CNTN4: variants seen among roughly 807,000 people sequenced by gnomAD.
CNTN4 encodes contactin-4.
Under a neutral mutation model 122.5 loss-of-function variants are expected in CNTN4, and 77 were observed. That is an observed-to-expected ratio of 0.63 (90% confidence interval 0.52 to 0.76). The LOEUF (loss-of-function observed/expected upper bound fraction) is 0.76. CNTN4 is among the 30% of genes least tolerant of loss of function. The pLI is 0.00. For missense variants in CNTN4, 1,256 were observed against 1,259.1 expected (o/e 1.00, Z 0.04); for synonymous variants, 512 against 447.0 (o/e 1.15, Z -1.83).
intron 7 of CNTN4, among the ~76,000 whole-genome samples, chr3:2,858,267 G>C (rs1397311879): frequency 1.3e-5 from 2 of 152,206 alleles, no homozygotes; most frequent in East Asian, 3.8e-4. Flanking sequence ...TCCAGAATAA[G>C]AAATTCCAAG....
chr3:2,925,874 G>T (rs993720675), intron 13 of CNTN4, 95 bp downstream of exon 13: 3 of 1,067,828 alleles, frequency 2.8e-6, no homozygotes, highest in Non-Finnish European at 4.3e-6. Context: ...GTGACTATCT[G>T]CTGTTCCTGA....
intron 13 of CNTN4, among the ~76,000 whole-genome samples, chr3:2,937,274 G>A (rs1056235753): frequency 2.0e-5 from 3 of 152,136 alleles, no homozygotes; most frequent in African/African-American, 7.2e-5. Context: ...TTGCTCTCTA[G>A]AGCAGTACCT....
At chr3:2,726,238 C>G (rs1461247013) in intron 4 of CNTN4, among the ~76,000 whole-genome samples, 1 of 152,174 alleles carries the variant, frequency 6.6e-6, no homozygotes, top group African/African-American at 2.4e-5. Flanking sequence ...TATGAAAAGT[C>G]CTGCAATGGA....
At chr3:2,173,207 G>C (rs1205097452) in intron 2 of CNTN4, among the ~76,000 whole-genome samples, 3 of 152,156 alleles carry the variant, frequency 2.0e-5, no homozygotes, top group Non-Finnish European at 4.4e-5. Context: ...CTCCTAACGA[G>C]GACACAGTGA....
At chr3:2,976,915 C>A (rs1028703802) in intron 13 of CNTN4, among the ~76,000 whole-genome samples, 4 of 150,776 alleles carry the variant, frequency 2.7e-5, no homozygotes, top group Non-Finnish European at 4.4e-5. Context: ...TATTTGCTAT[C>A]AGGTAGGTCT....
intron 7 of CNTN4, among the ~76,000 whole-genome samples, chr3:2,821,642 G>T (rs2092876995): frequency 6.6e-6 from 1 of 152,172 alleles, no homozygotes; most frequent in South Asian, 2.1e-4. Flanking sequence ...TAGGCAACTT[G>T]CAGTGTCGGC....
At chr3:2,590,177 G>C (rs2080399630) in intron 4 of CNTN4, among the ~76,000 whole-genome samples, 1 of 152,102 alleles carries the variant, frequency 6.6e-6, no homozygotes, top group East Asian at 1.9e-4. Flanking sequence ...TTCCACTCTT[G>C]TGCATTTCTA....
intron 13 of CNTN4, among the ~76,000 whole-genome samples, chr3:2,983,082 C>A (rs922350758): frequency 1.3e-5 from 2 of 151,082 alleles, no homozygotes; most frequent in African/African-American, 4.9e-5. Flanking sequence ...GGCATGGTGG[C>A]GGGTGCCTGT....
intron 3 of CNTN4, among the ~76,000 whole-genome samples, chr3:2,549,628 G>A (rs1054523078): frequency 4.6e-5 from 7 of 152,058 alleles, no homozygotes; most frequent in East Asian, 1.9e-4. Flanking sequence ...TTTTCACATC[G>A]GTGTTCAGCA....
intron 4 of CNTN4, among the ~76,000 whole-genome samples, chr3:2,719,090 A>G (rs2087677586): frequency 6.6e-6 from 1 of 152,206 alleles, no homozygotes; most frequent in African/African-American, 2.4e-5. Context: ...ACTAACCATC[A>G]GCTTGTCAGT....
chr3:2,601,009 G>T (rs531195144), intron 4 of CNTN4, among the ~76,000 whole-genome samples: 1 of 152,198 alleles, frequency 6.6e-6, no homozygotes, highest in South Asian at 2.1e-4. Flanking sequence ...CTTTTGAGAA[G>T]TGTCTGTTCA....
intron 4 of CNTN4, among the ~76,000 whole-genome samples, chr3:2,702,500 G>A (rs2086412817): frequency 6.6e-6 from 1 of 152,238 alleles, no homozygotes; most frequent in African/African-American, 2.4e-5. Context: ...TCTTCCATAA[G>A]CTATGGCTAC....
chr3:3,012,662 A>T (rs1697350562), intron 14 of CNTN4, among the ~76,000 whole-genome samples: 1 of 151,926 alleles, frequency 6.6e-6, no homozygotes, highest in Non-Finnish European at 1.5e-5. Flanking sequence ...TGTTGGCCAG[A>T]CTTCTATTCT....
At chr3:2,169,185 A>T (rs1313166378) in intron 2 of CNTN4, among the ~76,000 whole-genome samples, 1 of 152,182 alleles carries the variant, frequency 6.6e-6, no homozygotes, top group Non-Finnish European at 1.5e-5. Flanking sequence ...AATATGATTG[A>T]ATCGCAGGCA....
At chr3:2,564,748 ATATAAAGG>A (rs765236662) in intron 3 of CNTN4, among the ~76,000 whole-genome samples, 73 of 152,250 alleles carry the variant, frequency 4.8e-4, no homozygotes, top group Admixed American at 7.9e-4. Context: ...CGGTAGCAAA[ATATAAAGG>A]TCCAACATCA....
Position 2,747,481 on chromosome 3 carries a change from A to T in CNTN4, c.358+1784A>T, listed in dbSNP as rs1349028936. On this transcript the variant is annotated intron_variant, in intron 6 of 24. Coordinates refer to ENST00000418658, the MANE Select transcript of CNTN4 (RefSeq NM_175607.3). ...CTTCTTTATTGACAGCTTACATTTA[A>T]AAAAAAAAAATTACCAGCTCTTAAG... Among the ~76,000 whole-genome samples, 6 of 5,406 alleles carry T rather than the reference A, an allele frequency of 1.1e-3. No homozygotes were observed. In the East Asian group the frequency reaches 0.026, roughly 23 times the overall value. 3.5% of individuals were successfully genotyped at this position (5,406 alleles called of 152,430 possible). A position where few individuals can be genotyped will look rare whatever the true frequency, so the allele number is the denominator to read the frequency against.
At chr3:2,807,712 T>G (rs1446438912) in intron 6 of CNTN4, among the ~76,000 whole-genome samples, 1 of 145,110 alleles carries the variant, frequency 6.9e-6, no homozygotes, top group Non-Finnish European at 1.5e-5. Flanking sequence ...CTGGCATTTT[T>G]TAATGAGTCC....
At chr3:2,869,213 G>A (rs2093757953) in intron 8 of CNTN4, among the ~76,000 whole-genome samples, 1 of 152,188 alleles carries the variant, frequency 6.6e-6, no homozygotes, top group South Asian at 2.1e-4. Flanking sequence ...ATGTTTTTAA[G>A]AAGATTGCTT....
chr3:2,242,183 A>G (rs541435015), intron 2 of CNTN4, among the ~76,000 whole-genome samples: 1 of 152,204 alleles, frequency 6.6e-6, no homozygotes, highest in South Asian at 2.1e-4. Context: ...AACGATAGAC[A>G]TTTTCTTTGA....
Sources: allele counts gnomAD v4.1 joint callset (sites outside exome capture counted in the v4.1 genomes callset), GRCh38; gene constraint gnomAD v4.1.1; transcripts MANE v1.5; gene names NCBI Gene and HGNC (gene_info 2026-07-23, HGNC 2026-07-21).